MYH4: variants seen among roughly 807,000 people sequenced by gnomAD.
The protein encoded by MYH4 is myosin heavy chain 4, also known as myosin-4.
MYH4 carries 200 observed loss-of-function variants against 229.9 expected under a neutral mutation model. The observed-to-expected ratio is 0.87, with a 90% CI of 0.78 to 0.98. The LOEUF (loss-of-function observed/expected upper bound fraction) is 0.98. Ranked by LOEUF, MYH4 falls within the 50% of genes least tolerant of loss-of-function variation. MYH4 has a pLI of 0.00. For synonymous variants in MYH4, 761 were observed against 834.6 expected (o/e 0.91, Z 1.52); for missense variants, 2,148 against 2,332.6 (o/e 0.92, Z 1.63).
chr17:10,457,834 A>G, intron 15 of MYH4, 105 bp from the exon 16 acceptor site: 1 of 1,405,476 alleles, frequency 7.1e-7, no homozygotes, highest in Non-Finnish European at 9.6e-7. Context: ...GAAGACTTTG[A>G]ATGATAAATT....
chr17:10,445,431 A>G (rs554817460), intron 35 of MYH4, 69 bp from the exon 36 acceptor site: 4 of 1,574,174 alleles, frequency 2.5e-6, no homozygotes, highest in Non-Finnish European at 3.5e-6. Context: ...CATTTTACCT[A>G]GTGTACACAG....
chr17:10,465,562 A>G lies in MYH4; in HGVS notation c.385T>C (p.Tyr129His). ...SGLFCVTVNP[Y>H]KWLPVYNPEV... ...GGGTTGTACACCGGCAGCCACTTGT[A>G]GGGGTTGACGGTGACACAGAAGAGG... is the stretch of plus-strand genomic sequence containing the variant. Residue 129 changes from tyrosine (Y) to histidine (H), a missense_variant, in exon 5 of 40, where the codon TAC becomes CAC. Tyr to His is a moderately conservative substitution (Grantham distance 83). Transcript: ENST00000255381. 6.2e-7 allele frequency: 1 copy of G among 1,614,128 alleles called. No individual in the cohort carries two copies. Among genetic ancestry groups the G allele is most frequent in the South Asian group, 1.1e-5 (1 of 91,080 alleles).
intron 30 of MYH4, among the ~76,000 whole-genome samples, chr17:10,449,343 C>T (rs941087207): frequency 1.3e-5 from 2 of 152,138 alleles, no homozygotes. Context: ...AAAATTTGCT[C>T]CTCTTTCTTT....
At position 10,452,104 on chromosome 17, in the gene MYH4, G is replaced by A. The variant is rs202092228; in HGVS notation, c.3575C>T (p.Thr1192Met). Reference protein sequence around the residue: ...LEESTLQHEATAAALRKKHAD... With the variant: ...LEESTLQHEAMAAALRKKHAD... ...GTGCTTCTTCCGAAGAGCAGCTGCC[G>A]TGGCTTCGTGCTGCAGGGTGGACTC... Residue 1192 changes from threonine (T) to methionine (M), a missense_variant, in exon 27 of 40, where the codon ACG becomes ATG. Physicochemically the swap from Thr to Met is moderately conservative, Grantham distance 81. Transcript: ENST00000255381. 3.8e-5 allele frequency: 61 copies of A among 1,613,996 alleles called. No homozygotes were observed. Among genetic ancestry groups the A allele is most frequent in the Middle Eastern group, 3.3e-4 (2 of 6,052 alleles).
At position 10,444,626 on chromosome 17, in the gene MYH4, T is replaced by G. The variant is rs2072490074; in HGVS notation, c.5645A>C (p.Tyr1882Ser). 4 of 1,613,830 alleles carry G rather than the reference T, an allele frequency of 2.5e-6. No individual in the cohort carries two copies. Among genetic ancestry groups the G allele is most frequent in the Non-Finnish European group, 3.4e-6 (4 of 1,179,928 alleles). Reference protein sequence around the residue: ...VDKLQTKVKAYKRQAEEAEEQ... With the variant: ...VDKLQTKVKASKRQAEEAEEQ... ...CACAGCCTCTTCAGCTTGTCTCTTGTAAGCTTTGACTTTGGTTTGCAATTT... is the reference window on the plus strand; with the variant it reads ...CACAGCCTCTTCAGCTTGTCTCTTGGAAGCTTTGACTTTGGTTTGCAATTT... The change falls in exon 39 of 40, where the codon TAC becomes TCC. Residue 1882 changes from tyrosine to serine, a missense_variant. Transcript: ENST00000255381.
chr17:10,462,978 T>C lies in MYH4; in HGVS notation c.905-10A>G, dbSNP rs371046041. 1.9e-6 allele frequency: 3 copies of C among 1,612,492 alleles called. No homozygotes were observed. Among genetic ancestry groups the C allele is most frequent in the Non-Finnish European group, 1.7e-6 (2 of 1,178,728 alleles). On this transcript the variant is annotated splice_polypyrimidine_tract_variant and intron_variant, in intron 10 of 39. Transcript: ENST00000255381. ...GTGATCAGAAGCATTTCTGAACACA[T>C]GGAAAAGAACAGTATATAGACAGCA...
rs561637108 is a variant in MYH4 at position 10,466,486 on chromosome 17, C to T, written c.204+56G>A. 1.5e-5 allele frequency: 24 copies of T among 1,613,038 alleles called. No individual in the cohort carries two copies. In the African/African-American group the frequency reaches 1.9e-4, roughly 13 times the overall value. On this transcript the variant is annotated intron_variant, in intron 3 of 39. Transcript: ENST00000255381. ...AAAAAGCCAGGTCAAAAAAATATCA[C>T]CTAAATTAACCCAAAATGAGGCAGA...
intron 8 of MYH4, 33 bp downstream of exon 8, chr17:10,463,518 G>A (rs1365076867): frequency 3.8e-6 from 6 of 1,592,198 alleles, no homozygotes; most frequent in Non-Finnish European, 5.2e-6. Flanking sequence ...AATCAGTGCT[G>A]ATCCTCAAGA....
In MYH4 at chr17:10,463,346, A is replaced by T. The variant is rs140079499; in HGVS notation, c.797T>A (p.Ile266Asn). The change falls in exon 9 of 40, where the codon ATT becomes AAT. Residue 266 changes from isoleucine to asparagine, a missense_variant. By Grantham distance (149) the Ile-to-Asn change is moderately radical (BLOSUM62 -3). Transcript: ENST00000255381. ...GATGKLASADIETYLLEKSRV... is the reference protein window; with the variant it reads ...GATGKLASADNETYLLEKSRV... The stretch of plus-strand genomic sequence containing the variant: ...AATATTTATTAACTTACATGTTTCA[A>T]TATCTGCAGAAGCCAGTTTGCCTGT... 1.4e-4 allele frequency: 230 copies of T among 1,610,048 alleles called. 1 individual carries two copies. In the African/African-American group the frequency reaches 1.8e-3, roughly 13 times the overall value.
intron 11 of MYH4, among the ~76,000 whole-genome samples, chr17:10,462,419 A>G (rs2072712801): frequency 6.6e-6 from 1 of 152,158 alleles, no homozygotes; most frequent in African/African-American, 2.4e-5. Context: ...GGGATATATC[A>G]TTGGCCCACA....
rs201552374 is a variant in MYH4, at chr17:10,455,299, T to A, written c.2175-4A>T. 3 of 1,607,746 alleles carry A rather than the reference T, an allele frequency of 1.9e-6. No homozygotes were observed. Among genetic ancestry groups the A allele is most frequent in the East Asian group, 4.5e-5 (2 of 44,846 alleles). On this transcript the variant is annotated splice_polypyrimidine_tract_variant and splice_region_variant and intron_variant, in intron 19 of 39. Transcript: ENST00000255381. ...ACTCGCATTTAGAACCTTGTATCTG[T>A]CAGAATAAAAAGAATATAAAAATGT...
At chr17:10,456,832 C>T (rs1047895462) in intron 16 of MYH4, among the ~76,000 whole-genome samples, 14 of 152,190 alleles carry the variant, frequency 9.2e-5, no homozygotes, top group Non-Finnish European at 1.5e-4. Flanking sequence ...TACTCCAAGT[C>T]AGCAATGTCT....
At chr17:10,453,439 C>A in intron 23 of MYH4, 111 bp from the exon 24 acceptor site, 2 of 1,581,946 alleles carry the variant, frequency 1.3e-6, no homozygotes, top group South Asian at 2.3e-5. Context: ...AAAATGAGAA[C>A]CAGGAGCTAA....
chr17:10,446,511 A>T (rs1475950131), intron 35 of MYH4, among the ~76,000 whole-genome samples: 1 of 149,762 alleles, frequency 6.7e-6, no homozygotes, highest in Non-Finnish European at 1.5e-5. Flanking sequence ...CATTGTGAGG[A>T]TATACCACCA....
intron 5 of MYH4, among the ~76,000 whole-genome samples, chr17:10,465,127 C>T (rs2874358): frequency 0.87 from 132,168 of 152,152 alleles, 58,512 homozygotes; most frequent in East Asian, 1. Context: ...TATCTATAAT[C>T]CAAATGCAGA....
At chr17:10,450,376 A>G (rs770699923) in intron 30 of MYH4, 77 bp downstream of exon 30, 54 of 1,600,926 alleles carry the variant, frequency 3.4e-5, no homozygotes, top group Non-Finnish European at 4.2e-5. Flanking sequence ...CAAGCCCGGA[A>G]TATTCTCTTT....
intron 39 of MYH4, 37 bp downstream of exon 39, chr17:10,444,567 C>T (rs753839918): frequency 1.3e-6 from 2 of 1,557,036 alleles, no homozygotes; most frequent in South Asian, 2.3e-5. Flanking sequence ...CCTGGATGTG[C>T]ATCTGAACCT....
At chr17:10,451,562 C>T in intron 27 of MYH4, 110 bp from the exon 28 acceptor site, 1 of 1,232,998 alleles carries the variant, frequency 8.1e-7, no homozygotes, top group Non-Finnish European at 1.1e-6. Context: ...ATTTACTTTT[C>T]TATCAATCTT....
At position 10,452,135 on chromosome 17, in the gene MYH4, G is replaced by T. The variant is rs1346193897; in HGVS notation, c.3544C>A (p.Leu1182Met). ...TCGTGCTGCAGGGTGGACTCTTCCA[G>T]GTCCCTGCGCATTTTCTGGAACTCA... Reference protein sequence around the residue: ...EAEFQKMRRDLEESTLQHEAT... With the variant: ...EAEFQKMRRDMEESTLQHEAT... The change falls in exon 27 of 40, where the codon CTG becomes ATG. Residue 1182 changes from leucine (L) to methionine (M), a missense_variant. Coordinates refer to ENST00000255381, the MANE Select transcript of MYH4 (RefSeq NM_017533.2). 1.2e-6 allele frequency: 2 copies of T among 1,614,092 alleles called. No homozygotes were observed. The highest frequency in any genetic ancestry group is 1.7e-6 in the Non-Finnish European group (2 of 1,180,028).
Sources: allele counts gnomAD v4.1 joint callset (sites outside exome capture counted in the v4.1 genomes callset), GRCh38; gene constraint gnomAD v4.1.1; transcripts MANE v1.5; gene names NCBI Gene and HGNC (gene_info 2026-07-23, HGNC 2026-07-21).